Variants in HDGFL3 observed in about 807,000 individuals in gnomAD.
The protein encoded by HDGFL3 is hepatoma-derived growth factor-related protein 3.
Under a neutral mutation model 27.6 loss-of-function variants are expected in HDGFL3, and 6 were observed. The observed-to-expected ratio is 0.22, with a 90% CI of 0.12 to 0.43. The LOEUF (loss-of-function observed/expected upper bound fraction) is 0.43, where lower values mean the gene tolerates loss of function less well. Among genes scored for constraint, HDGFL3 ranks in the 20% least tolerant of loss-of-function variants. HDGFL3 has a pLI of 1.00. For synonymous variants in HDGFL3, 88 were observed against 88.9 expected (o/e 0.99, Z 0.05); for missense variants, 207 against 250.1 (o/e 0.83, Z 1.16).
intron 1 of HDGFL3, among the ~76,000 whole-genome samples, chr15:83,186,358 C>T (rs538312574): frequency 3.3e-5 from 5 of 152,290 alleles, no homozygotes; most frequent in South Asian, 2.1e-4. Flanking sequence ...TTAGACTTAT[C>T]GCTCAACTGA....
In HDGFL3 at chr15:83,137,896, C is replaced by A. The variant is rs943420344; in HGVS notation, c.*1374G>T. 1 of 151,816 alleles carries A rather than the reference C, an allele frequency of 6.6e-6. No individual in the cohort carries two copies. The highest frequency in any genetic ancestry group is 1.5e-5 in the Non-Finnish European group (1 of 67,942). 9.4% of individuals were successfully genotyped at this position (151,816 alleles called of 1,614,324 possible). ...CATGGATAATATCAAATTACAAAAT[C>A]TAGGGTCCACTGGGCTGGTAAATAT... On this transcript the variant is annotated 3_prime_UTR_variant, in exon 6 of 6. Coordinates refer to ENST00000299633, the MANE Select transcript of HDGFL3 (RefSeq NM_016073.4).
downstream of HDGFL3, chr15:83,127,672 G>A (rs2035888252): frequency 1.9e-6 from 1 of 519,318 alleles, no homozygotes; most frequent in Admixed American, 3.7e-5. Flanking sequence ...TATGGTAGAT[G>A]TGCCATCCAG....
At chr15:83,164,375 A>AAAAAAAAAAAAAAAAAAAAG (rs2037139228) in intron 1 of HDGFL3, among the ~76,000 whole-genome samples, 1 of 148,564 alleles carries the variant, frequency 6.7e-6, no homozygotes, top group Non-Finnish European at 1.5e-5. Flanking sequence ...ACCAAAAAAA[A>AAAAAAAAAAAAAAAAAAAAG]AAAAAAAAAA....
At chr15:83,144,629 C>A in intron 5 of HDGFL3, 1 of 424,268 alleles carries the variant, frequency 2.4e-6, no homozygotes, top group South Asian at 1.7e-5. Flanking sequence ...AGTCCAACAA[C>A]CGTGAGGAGC....
At chr15:83,182,574 TATATTAAGTTCTA>T (rs2037394048) in intron 1 of HDGFL3, among the ~76,000 whole-genome samples, 1 of 152,188 alleles carries the variant, frequency 6.6e-6, no homozygotes, top group South Asian at 2.1e-4. Context: ...TGATTCCACT[TATATTAAGTTCTA>T]GAAAAGGAAA....
In HDGFL3 at chr15:83,136,793, C is replaced by CACACATACAG; in HGVS notation, c.*2476_*2477insCTGTATGTGT. On this transcript the variant is annotated 3_prime_UTR_variant, in exon 6 of 6. Transcript: ENST00000299633. ...ACTTAAGAATATGTACATTCTTGCTCTGCACTGTATGTGTGAGCTATATGG... is the reference window on the plus strand; with the variant it reads ...ACTTAAGAATATGTACATTCTTGCTCACACATACAGTGCACTGTATGTGTGAGCTATATGG... 8 of 843,760 alleles carry CACACATACAG rather than the reference C, an allele frequency of 9.5e-6. No homozygotes were observed. The highest frequency in any genetic ancestry group is 1.4e-5 in the Non-Finnish European group (8 of 551,762). The allele number at this position is 843,760 out of a possible 1,614,324, so 52.3% of individuals were successfully genotyped here.
At chr15:83,171,641 G>A (rs1344377362) in intron 1 of HDGFL3, among the ~76,000 whole-genome samples, 1 of 151,838 alleles carries the variant, frequency 6.6e-6, no homozygotes, top group East Asian at 1.9e-4. Flanking sequence ...ATGCAGGAAC[G>A]AAAAACAAAA....
chr15:83,175,779 G>C (rs1034021079), intron 1 of HDGFL3, among the ~76,000 whole-genome samples: 3 of 152,194 alleles, frequency 2.0e-5, no homozygotes, highest in African/African-American at 7.2e-5. Context: ...AGAATGGTGT[G>C]AACCCGGGAG....
chr15:83,160,973 T>C (rs1367437211), intron 2 of HDGFL3, among the ~76,000 whole-genome samples: 2 of 152,296 alleles, frequency 1.3e-5, no homozygotes, highest in Non-Finnish European at 2.9e-5. Flanking sequence ...AATCCAGAAA[T>C]AATTTATTAC....
At chr15:83,115,500 G>A (rs984736881) in exon 4 of HDGFL3, 1 of 412,988 alleles carries the variant, frequency 2.4e-6, no homozygotes, top group Non-Finnish European at 4.6e-6. Context: ...TGCCCATGTG[G>A]GATGTGGGTT....
Position 83,136,430 on chromosome 15 carries a change from C to T in HDGFL3, c.*2840G>A. The T allele has an allele frequency of 6.7e-7, 1 of 1,495,892 alleles. No individual in the cohort carries two copies. Among genetic ancestry groups the T allele is most frequent in the Non-Finnish European group, 9.0e-7 (1 of 1,114,250 alleles). 92.7% of individuals were successfully genotyped at this position (1,495,892 alleles called of 1,614,324 possible). A position where few individuals can be genotyped will look rare whatever the true frequency, so the allele number is the denominator to read the frequency against. On this transcript the variant is annotated 3_prime_UTR_variant, in exon 6 of 6. Coordinates refer to ENST00000299633, the MANE Select transcript of HDGFL3 (RefSeq NM_016073.4). ...AACCATTCAGAACTCATCATGCATC[C>T]AACTGAACACGTTTCATGCTTACTC...
intron 4 of HDGFL3, 34 bp downstream of exon 4, chr15:83,157,381 T>C: frequency 6.4e-7 from 1 of 1,573,396 alleles, no homozygotes; most frequent in South Asian, 1.1e-5. Flanking sequence ...GATATGCATA[T>C]AACATTAATA....
chr15:83,188,103 A>G (rs1355436457), intron 1 of HDGFL3, among the ~76,000 whole-genome samples: 1 of 152,206 alleles, frequency 6.6e-6, no homozygotes, highest in Non-Finnish European at 1.5e-5. Context: ...CCAATCTTTG[A>G]CAGCATTAGA....
chr15:83,168,823 A>C (rs2037205169), intron 1 of HDGFL3, among the ~76,000 whole-genome samples: 1 of 152,198 alleles, frequency 6.6e-6, no homozygotes, highest in East Asian at 1.9e-4. Context: ...ACACAACAAA[A>C]GGAAAAAACT....
chr15:83,154,496 A>T (rs2037004623), intron 4 of HDGFL3, among the ~76,000 whole-genome samples: 1 of 152,112 alleles, frequency 6.6e-6, no homozygotes. Flanking sequence ...TGATTCCTAG[A>T]CCCCACCCTA....
At chr15:83,118,703 AAGG>A (rs1026773962) in intron 3 of HDGFL3, among the ~76,000 whole-genome samples, 7 of 152,166 alleles carry the variant, frequency 4.6e-5, no homozygotes, top group African/African-American at 1.4e-4. Context: ...GAAAGGACTT[AAGG>A]CATCTTACAG....
chr15:83,168,293 A>G (rs991140416), intron 1 of HDGFL3, among the ~76,000 whole-genome samples: 1 of 142,386 alleles, frequency 7.0e-6, no homozygotes, highest in Non-Finnish European at 1.5e-5. Flanking sequence ...AAAGAAGAAA[A>G]GAAATACCAA....
Position 83,207,291 on chromosome 15 carries a change from A to G in HDGFL3, c.84+40T>C, listed in dbSNP as rs2037734001. ...CGGGCGCGCCATCATGAAGGGGAAA[A>G]TGGTGGGCGGGCGGGCCCGCGCGCG... On this transcript the variant is annotated intron_variant, in intron 1 of 5. Coordinates refer to ENST00000299633, the MANE Select transcript of HDGFL3 (RefSeq NM_016073.4). The surrounding 1 kb of genome is among the most constrained non-coding windows in gnomAD (Gnocchi z 4.8). The G allele has an allele frequency of 2.3e-6, 3 of 1,285,474 alleles. No individual in the cohort carries two copies. The highest frequency in any genetic ancestry group is 2.0e-6 in the Non-Finnish European group (2 of 997,754). 79.6% of individuals were successfully genotyped at this position (1,285,474 alleles called of 1,614,324 possible).
At chr15:83,122,999 C>T (rs749129193), downstream of HDGFL3, 13 of 1,114,368 alleles carry the variant, frequency 1.2e-5, no homozygotes, top group Admixed American at 4.9e-5. Flanking sequence ...CCAAACAGTG[C>T]GACTGTTTTG....
Sources: gnomAD v4.1 joint callset for allele counts (sites outside exome capture counted in the v4.1 genomes callset) on GRCh38, gnomAD v4.1.1 for gene constraint, Gnocchi (gnomAD v3.1) non-coding constraint, MANE v1.5 for transcripts, NCBI Gene and HGNC (gene_info 2026-07-23, HGNC 2026-07-21) for gene names.